Variants in SNTG1 observed in about 807,000 individuals in gnomAD.
SNTG1 encodes the protein gamma-1-syntrophin.
SNTG1 carries 39 observed loss-of-function variants against 74.7 expected under a neutral mutation model. The ratio of observed to expected loss-of-function variants is 0.52; its 90% confidence interval spans 0.40 to 0.68. The LOEUF (loss-of-function observed/expected upper bound fraction) is 0.68. Ranked by LOEUF, SNTG1 falls within the 30% of genes least tolerant of loss-of-function variation. The pLI is 0.00. For synonymous variants in SNTG1, 254 were observed against 217.1 expected (o/e 1.17, Z -1.49); for missense variants, 685 against 609.5 (o/e 1.12, Z -1.30).
At chr8:50,171,144 C>T (rs778341060) in intron 1 of SNTG1, among the ~76,000 whole-genome samples, 2 of 152,144 alleles carry the variant, frequency 1.3e-5, no homozygotes, top group Non-Finnish European at 2.9e-5. Context: ...AGAGGCATTT[C>T]AGGGGCAAGA....
intron 2 of SNTG1, among the ~76,000 whole-genome samples, chr8:50,296,172 A>G (rs141175063): frequency 3.3e-4 from 51 of 152,298 alleles, no homozygotes; most frequent in Non-Finnish European, 5.6e-4. Context: ...GCAGGCTACA[A>G]TTGAAAAAAC....
intron 8 of SNTG1, among the ~76,000 whole-genome samples, chr8:50,482,087 A>T (rs2093745570): frequency 6.6e-6 from 1 of 152,168 alleles, no homozygotes; most frequent in Non-Finnish European, 1.5e-5. Flanking sequence ...TTGCTGCCCT[A>T]ATCAATCTGT....
intron 15 of SNTG1, among the ~76,000 whole-genome samples, chr8:50,690,515 C>A (rs1445598688): frequency 1.3e-5 from 2 of 152,162 alleles, no homozygotes; most frequent in Admixed American, 1.3e-4. Flanking sequence ...ACCCAGTAGT[C>A]ATTCAGGAGC....
chr8:50,508,696 C>G (rs1047807208), intron 9 of SNTG1, among the ~76,000 whole-genome samples: 51 of 152,076 alleles, frequency 3.4e-4, no homozygotes, highest in African/African-American at 1.2e-3. Context: ...TTTCATTTGT[C>G]TGTTGGTGGC....
chr8:50,738,257 C>T (rs986146139), intron 17 of SNTG1, among the ~76,000 whole-genome samples: 3 of 152,072 alleles, frequency 2.0e-5, no homozygotes, highest in African/African-American at 7.2e-5. Flanking sequence ...CTTTCCTATA[C>T]ACCAATAACA....
Position 49,921,196 on chromosome 8 carries a change from C to T in SNTG1, c.-103+8965C>T, listed in dbSNP as rs561223664. ...AACAATTGTTTACAGACATAAATAT[C>T]TTTCAAAAGTAAGAAAAAAATAAGA... On this transcript the variant is annotated intron_variant, in intron 1 of 18. Coordinates refer to ENST00000642720, the MANE Select transcript of SNTG1 (RefSeq NM_018967.5). Among the ~76,000 whole-genome samples the T allele has an allele frequency of 1.3e-3, 198 of 151,882 alleles. 1 individual carries two copies. Among genetic ancestry groups the T allele is most frequent in the Non-Finnish European group, 4.9e-4 (33 of 67,948 alleles).
Position 50,434,252 on chromosome 8 carries a change from G to A in SNTG1, c.163-4291G>A, listed in dbSNP as rs181323450. ...TTTTATGGCTGCATAGTATTCCATGGTATATGTGTGCCACATTTTCTTAAT... is the reference window on the plus strand; with the variant it reads ...TTTTATGGCTGCATAGTATTCCATGATATATGTGTGCCACATTTTCTTAAT... On this transcript the variant is annotated intron_variant, in intron 4 of 18. Transcript: ENST00000642720. Among the ~76,000 whole-genome samples, 499 of 152,242 alleles carry A rather than the reference G, an allele frequency of 3.3e-3. 4 individuals carry two copies. The highest frequency in any genetic ancestry group is 0.011 in the African/African-American group (465 of 41,534).
chr8:50,691,821 C>T (rs1032484727), intron 15 of SNTG1, among the ~76,000 whole-genome samples: 6 of 152,150 alleles, frequency 3.9e-5, no homozygotes, highest in African/African-American at 1.2e-4. Context: ...GGAAGTTCTC[C>T]TGGATAATAT....
intron 2 of SNTG1, among the ~76,000 whole-genome samples, chr8:50,272,701 G>A (rs899742953): frequency 6.6e-6 from 1 of 152,126 alleles, no homozygotes; most frequent in African/African-American, 2.4e-5. Flanking sequence ...ATGTACATGT[G>A]TACGATGTAT....
intron 2 of SNTG1, among the ~76,000 whole-genome samples, chr8:50,176,822 T>C (rs1394245588): frequency 6.6e-6 from 1 of 152,212 alleles, no homozygotes; most frequent in East Asian, 1.9e-4. Context: ...CACTTAAAAA[T>C]AGTCCCTTTT....
chr8:50,542,878 A>G (rs1344498114), intron 11 of SNTG1, among the ~76,000 whole-genome samples: 1 of 152,046 alleles, frequency 6.6e-6, no homozygotes, highest in Non-Finnish European at 1.5e-5. Flanking sequence ...TGTTGACCAT[A>G]CGTATGTCTT....
At chr8:50,307,503 A>AT (rs912474833) in intron 2 of SNTG1, among the ~76,000 whole-genome samples, 5 of 151,792 alleles carry the variant, frequency 3.3e-5, no homozygotes, top group Admixed American at 6.6e-5. Flanking sequence ...GGAATTTTCT[A>AT]TTTTTTTATT....
intron 1 of SNTG1, among the ~76,000 whole-genome samples, chr8:49,971,333 C>T (rs920981758): frequency 1.3e-4 from 20 of 152,094 alleles, no homozygotes; most frequent in Admixed American, 3.3e-4. Context: ...ATGCTGAAAA[C>T]TCTCAATAAA....
At chr8:50,414,531 G>T (rs2092990332) in intron 4 of SNTG1, among the ~76,000 whole-genome samples, 1 of 151,992 alleles carries the variant, frequency 6.6e-6, no homozygotes, top group East Asian at 1.9e-4. Flanking sequence ...TTGGGTCTCT[G>T]CTCGTACAGA....
chr8:50,400,895 G>A (rs578261213), intron 3 of SNTG1, among the ~76,000 whole-genome samples: 2 of 152,214 alleles, frequency 1.3e-5, no homozygotes, highest in Admixed American at 1.3e-4. Context: ...ACGCTAGGAT[G>A]ATCACAGCTA....
rs186071207 is a variant in SNTG1, at chr8:49,914,497, T to C, written c.-103+2266T>C. On this transcript the variant is annotated intron_variant, in intron 1 of 18. Coordinates refer to ENST00000642720, the MANE Select transcript of SNTG1 (RefSeq NM_018967.5). ...AAGTATATATAGGACCAGAGGATAA[T>C]TTAAAATGAGCCCTGGAATCCATTC... Among the ~76,000 whole-genome samples, 99 of 152,206 alleles carry C rather than the reference T, an allele frequency of 6.5e-4. No homozygotes were observed. The East Asian group carries it at 0.014, about 22-fold the overall frequency.
chr8:50,039,288 T>C (rs1818420564), intron 1 of SNTG1, among the ~76,000 whole-genome samples: 1 of 151,730 alleles, frequency 6.6e-6, no homozygotes. Context: ...ATACTGTGTC[T>C]ACTAAAAATG....
chr8:50,020,760 T>C (rs907148682), intron 1 of SNTG1, among the ~76,000 whole-genome samples: 1 of 152,154 alleles, frequency 6.6e-6, no homozygotes, highest in African/African-American at 2.4e-5. Flanking sequence ...AAAATGCTTT[T>C]ATTCTCAGGT....
At chr8:50,104,213 C>T (rs895798159) in intron 1 of SNTG1, among the ~76,000 whole-genome samples, 9 of 152,112 alleles carry the variant, frequency 5.9e-5, no homozygotes, top group African/African-American at 9.7e-5. Context: ...GGTTGGTAAG[C>T]TGTTGATTAT....
Sources: allele counts gnomAD v4.1 joint callset (sites outside exome capture counted in the v4.1 genomes callset), GRCh38; gene constraint gnomAD v4.1.1; transcripts MANE v1.5; gene names NCBI Gene and HGNC (gene_info 2026-07-23, HGNC 2026-07-21).